TRDN: variants seen among roughly 807,000 people sequenced by gnomAD.
The protein encoded by TRDN is triadin in skeletal muscle.
A neutral mutation model predicts 149.7 loss-of-function variants in TRDN; 161 were observed. The observed-to-expected ratio is 1.08, with a 90% CI of 0.95 to 1.23. TRDN has a LOEUF of 1.23. Among genes scored for constraint, TRDN ranks in the 50% most tolerant of loss-of-function variants. TRDN has a pLI of 0.00. For synonymous variants in TRDN, 294 were observed against 250.5 expected (o/e 1.17, Z -1.64); for missense variants, 896 against 823.5 (o/e 1.09, Z -1.08).
intron 9 of TRDN, among the ~76,000 whole-genome samples, chr6:123,495,516 T>TC (rs1017213437): frequency 1.0e-5 from 1 of 96,730 alleles, no homozygotes; most frequent in African/African-American, 3.6e-5. Flanking sequence ...TGAGGCTCTG[T>TC]CTCAAAAAAA....
chr6:123,220,178 T>G (rs1775097487), intron 40 of TRDN, among the ~76,000 whole-genome samples: 1 of 151,850 alleles, frequency 6.6e-6, no homozygotes, highest in Non-Finnish European at 1.5e-5. Context: ...AATTAAAATT[T>G]TTACTTTGAA....
chr6:123,447,483 T>C (rs1280546495), intron 10 of TRDN, among the ~76,000 whole-genome samples: 1 of 151,948 alleles, frequency 6.6e-6, no homozygotes, highest in African/African-American at 2.4e-5. Flanking sequence ...CTCCTGGGGG[T>C]TGTAACCTCA....
intron 12 of TRDN, among the ~76,000 whole-genome samples, chr6:123,434,722 C>A (rs1204554184): frequency 6.6e-6 from 1 of 151,930 alleles, no homozygotes; most frequent in Non-Finnish European, 1.5e-5. Context: ...GGTATTTCTT[C>A]AAGTAAAAAT....
chr6:123,566,317 G>A (rs1203881680), intron 2 of TRDN, among the ~76,000 whole-genome samples: 1 of 152,162 alleles, frequency 6.6e-6, no homozygotes, highest in African/African-American at 2.4e-5. Context: ...ATGTTAGCTT[G>A]TAGGTTCATA....
intron 1 of TRDN, among the ~76,000 whole-genome samples, chr6:123,573,982 C>G (rs1583269492): frequency 6.6e-6 from 1 of 151,980 alleles, no homozygotes; most frequent in African/African-American, 2.4e-5. Flanking sequence ...TAATACTATC[C>G]TTCTCTTTAC....
intron 14 of TRDN, among the ~76,000 whole-genome samples, chr6:123,383,892 A>T (rs1388568057): frequency 6.6e-6 from 1 of 152,148 alleles, no homozygotes; most frequent in Non-Finnish European, 1.5e-5. Flanking sequence ...AAAATAATCG[A>T]TTCCTGAGAC....
intron 12 of TRDN, among the ~76,000 whole-genome samples, chr6:123,400,012 A>G (rs1387904091): frequency 6.6e-6 from 1 of 151,862 alleles, no homozygotes; most frequent in Non-Finnish European, 1.5e-5. Flanking sequence ...AATAAATGTT[A>G]TGATTTGGAA....
intron 1 of TRDN, among the ~76,000 whole-genome samples, chr6:123,591,838 T>A (rs1461001681): frequency 6.6e-6 from 1 of 152,210 alleles, no homozygotes; most frequent in Non-Finnish European, 1.5e-5. Context: ...CATGCCCATA[T>A]TTCAAAAGAG....
chr6:123,595,186 C>A (rs144270707), intron 1 of TRDN, among the ~76,000 whole-genome samples: 1 of 152,196 alleles, frequency 6.6e-6, no homozygotes, highest in South Asian at 2.1e-4. Flanking sequence ...TTATGTAAAG[C>A]AGAACATTTT....
intron 9 of TRDN, 25 bp downstream of exon 9, chr6:123,497,168 C>T: frequency 6.6e-7 from 1 of 1,503,892 alleles, no homozygotes. Context: ...TTAAAACAGA[C>T]AAGTACAAGA....
intron 1 of TRDN, among the ~76,000 whole-genome samples, chr6:123,586,349 G>A (rs917747329): frequency 1.3e-5 from 2 of 152,114 alleles, no homozygotes; most frequent in African/African-American, 4.8e-5. Flanking sequence ...GCGAGGAGGG[G>A]AGAGGTCAGA....
chr6:123,225,507 C>A (rs1367431144), intron 38 of TRDN, among the ~76,000 whole-genome samples: 1 of 140,734 alleles, frequency 7.1e-6, no homozygotes, highest in African/African-American at 2.5e-5. Context: ...ATGTTCTCAC[C>A]ACACAGACAC....
chr6:123,226,007 G>A (rs532778970), intron 38 of TRDN, among the ~76,000 whole-genome samples: 27 of 151,852 alleles, frequency 1.8e-4, no homozygotes, highest in Admixed American at 6.6e-4. Context: ...TGCAAATTTC[G>A]TCTAACAGGA....
intron 24 of TRDN, among the ~76,000 whole-genome samples, chr6:123,291,079 C>T (rs534026759): frequency 8.6e-5 from 13 of 151,990 alleles, no homozygotes; most frequent in African/African-American, 3.1e-4. Context: ...ATCATTTGAA[C>T]CCAAGAGGCA....
chr6:123,319,808 G>A (rs1198794558), intron 23 of TRDN, among the ~76,000 whole-genome samples: 4 of 152,062 alleles, frequency 2.6e-5, no homozygotes, highest in Non-Finnish European at 5.9e-5. Flanking sequence ...CATTTCCTAT[G>A]CAGCACTGAC....
chr6:123,395,603 A>T, intron 12 of TRDN, among the ~76,000 whole-genome samples: 1 of 152,064 alleles, frequency 6.6e-6, no homozygotes, highest in East Asian at 1.9e-4. Flanking sequence ...CCTGCCCCTC[A>T]TTGTCCCGCG....
chr6:123,280,080 A>C lies in TRDN; in HGVS notation c.1511-998T>G, dbSNP rs80261254. Among the ~76,000 whole-genome samples, 488 of 152,290 alleles carry C rather than the reference A, an allele frequency of 3.2e-3. 4 individuals carry two copies. Among genetic ancestry groups the C allele is most frequent in the African/African-American group, 0.011 (454 of 41,578 alleles). ...CGCTTAGTGCTTGGAGAAAGTTACAAGGCCTTAGTGCAGCAATGAGTTGCC... is the reference window on the plus strand; with the variant it reads ...CGCTTAGTGCTTGGAGAAAGTTACACGGCCTTAGTGCAGCAATGAGTTGCC... On this transcript the variant is annotated intron_variant, in intron 24 of 40. Transcript: ENST00000334268.
intron 12 of TRDN, among the ~76,000 whole-genome samples, chr6:123,398,019 T>G (rs1772803614): frequency 6.6e-6 from 1 of 152,246 alleles, no homozygotes; most frequent in African/African-American, 2.4e-5. Context: ...TTTTATTTCT[T>G]TTTGAAATGG....
intron 16 of TRDN, among the ~76,000 whole-genome samples, chr6:123,380,215 G>T (rs906005620): frequency 6.6e-6 from 1 of 152,168 alleles, no homozygotes; most frequent in Non-Finnish European, 1.5e-5. Flanking sequence ...GCGTGAAAAG[G>T]CATGTTTATT....
Sources: gnomAD v4.1 joint callset for allele counts (sites outside exome capture counted in the v4.1 genomes callset) on GRCh38, gnomAD v4.1.1 for gene constraint, MANE v1.5 for transcripts, NCBI Gene and HGNC (gene_info 2026-07-23, HGNC 2026-07-21) for gene names.